Variants in VAC14 observed in about 807,000 individuals in gnomAD.
VAC14 encodes VAC14 component of PIKFYVE complex, also known as protein VAC14 homolog.
A neutral mutation model predicts 85.3 loss-of-function variants in VAC14; 47 were observed. The observed-to-expected ratio is 0.55, with a 90% CI of 0.44 to 0.70. The LOEUF (loss-of-function observed/expected upper bound fraction) is 0.70, where lower values mean the gene tolerates loss of function less well. Among genes scored for constraint, VAC14 ranks in the 30% least tolerant of loss-of-function variants. VAC14 has a pLI of 0.00. For missense variants in VAC14, 861 were observed against 1,004.3 expected (o/e 0.86, Z 1.93); for synonymous variants, 447 against 430.5 (o/e 1.04, Z -0.47).
intron 1 of VAC14, among the ~76,000 whole-genome samples, chr16:70,793,697 G>A (rs1047801330): frequency 6.6e-6 from 1 of 152,166 alleles, no homozygotes; most frequent in East Asian, 1.9e-4. Context: ...GTGTTCAGAG[G>A]GAACATCCTC....
At chr16:70,789,803 C>T (rs980843995) in intron 1 of VAC14, among the ~76,000 whole-genome samples, 5 of 152,240 alleles carry the variant, frequency 3.3e-5, no homozygotes, top group Admixed American at 6.5e-5. Flanking sequence ...GCTAAAGCAG[C>T]TGTGCCTCCC....
chr16:70,786,167 G>C (rs2034045643), intron 2 of VAC14, 48 bp downstream of exon 2: 1 of 1,596,182 alleles, frequency 6.3e-7, no homozygotes, highest in Non-Finnish European at 8.5e-7. Flanking sequence ...GGCTTGGTCA[G>C]CGTCAAGGCC....
intron 14 of VAC14, among the ~76,000 whole-genome samples, chr16:70,729,447 A>G (rs2054524338): frequency 6.6e-6 from 1 of 152,030 alleles, no homozygotes. Context: ...CCCCATCCCC[A>G]GGGTGCCCTC....
chr16:70,714,276 G>C (rs1300447346), intron 14 of VAC14: 1 of 152,246 alleles, frequency 6.6e-6, no homozygotes, highest in Admixed American at 6.5e-5. Context: ...CCCCACAGGG[G>C]TAAGATCATA....
At chr16:70,723,114 C>T (rs1419720856) in intron 14 of VAC14, among the ~76,000 whole-genome samples, 2 of 151,898 alleles carry the variant, frequency 1.3e-5, no homozygotes, top group Middle Eastern at 3.2e-3. Context: ...TCCAGCTACT[C>T]GGGAGGCTGA....
intron 4 of VAC14, among the ~76,000 whole-genome samples, chr16:70,784,426 C>T (rs1181673698): frequency 6.6e-6 from 1 of 152,102 alleles, no homozygotes; most frequent in Non-Finnish European, 1.5e-5. Flanking sequence ...AAGCAGGAAG[C>T]AAAGTCGAGA....
intron 9 of VAC14, among the ~76,000 whole-genome samples, chr16:70,776,071 T>C (rs949516960): frequency 6.6e-6 from 1 of 152,324 alleles, no homozygotes; most frequent in South Asian, 2.1e-4. Flanking sequence ...TGTTAGGTGT[T>C]TAAAATGACA....
chr16:70,701,675 T>C (rs1196358485), intron 14 of VAC14, among the ~76,000 whole-genome samples: 1 of 152,100 alleles, frequency 6.6e-6, no homozygotes, highest in Non-Finnish European at 1.5e-5. Context: ...AACAGGCCCA[T>C]CAGAACATGC....
At chr16:70,781,805 GTCC>G in intron 8 of VAC14, 61 bp downstream of exon 8, 29 of 1,588,100 alleles carry the variant, frequency 1.8e-5, no homozygotes, top group Non-Finnish European at 2.3e-5. Context: ...CCAGTGCAGG[GTCC>G]CTCAACTTCA....
intron 13 of VAC14, among the ~76,000 whole-genome samples, chr16:70,741,003 T>G (rs950135543): frequency 6.6e-6 from 1 of 152,256 alleles, no homozygotes; most frequent in Non-Finnish European, 1.5e-5. Context: ...ATCCGCACCA[T>G]GTGGTTCCCT....
chr16:70,701,580 C>T (rs1173292900), intron 14 of VAC14, among the ~76,000 whole-genome samples: 1 of 152,150 alleles, frequency 6.6e-6, no homozygotes, highest in East Asian at 1.9e-4. Context: ...CTGCCTGGTC[C>T]ATCTCCCCAT....
At position 70,687,939 on chromosome 16, in the gene VAC14, C is replaced by T. The variant is rs773466199; in HGVS notation, c.2338G>A (p.Val780Ile). 4.5e-6 allele frequency: 7 copies of T among 1,556,616 alleles called. No individual in the cohort carries two copies. The East Asian group carries it at 1.2e-4, about 27-fold the overall frequency. The change falls in exon 19 of 19, where the codon GTT becomes ATT. Residue 780 changes from valine to isoleucine, a missense_variant. Physicochemically the swap from Val to Ile is conservative, Grantham distance 29 (BLOSUM62 3). Coordinates refer to ENST00000261776, the MANE Select transcript of VAC14 (RefSeq NM_018052.5). ...SGRGDHLDRR[V>I]VL ...CCGTGCCAGGCCTGTCAGAGGACAA[C>T]CCTCCGGTCCAGGTGGTCCCCACGC...
intron 3 of VAC14, among the ~76,000 whole-genome samples, chr16:70,785,196 A>G (rs905693844): frequency 1.3e-5 from 2 of 152,228 alleles, no homozygotes; most frequent in Non-Finnish European, 2.9e-5. Flanking sequence ...AGGAGGGGAC[A>G]GGGTAGCTGC....
At chr16:70,737,186 C>T (rs1408428262) in intron 13 of VAC14, among the ~76,000 whole-genome samples, 3 of 152,218 alleles carry the variant, frequency 2.0e-5, no homozygotes, top group African/African-American at 4.8e-5. Flanking sequence ...CGCCCACCTC[C>T]GGCTCTGGCT....
At chr16:70,776,596 C>T (rs2033530241) in intron 9 of VAC14, among the ~76,000 whole-genome samples, 1 of 151,878 alleles carries the variant, frequency 6.6e-6, no homozygotes, top group African/African-American at 2.4e-5. Context: ...TTCAGTTACA[C>T]CAATTTTATT....
intron 18 of VAC14, chr16:70,688,748 T>C: frequency 1.0e-6 from 1 of 985,564 alleles, no homozygotes. Flanking sequence ...GTGTGCATGA[T>C]GCTCCCTATA....
intron 13 of VAC14, among the ~76,000 whole-genome samples, chr16:70,739,864 C>T (rs2030091664): frequency 2.0e-5 from 3 of 152,168 alleles, no homozygotes; most frequent in Admixed American, 2.0e-4. Context: ...AGGAATGAAA[C>T]CAAATAAGAA....
intron 9 of VAC14, among the ~76,000 whole-genome samples, chr16:70,773,516 G>C: frequency 6.6e-6 from 1 of 152,184 alleles, no homozygotes; most frequent in Non-Finnish European, 1.5e-5. Context: ...TCCGCCTTCA[G>C]TCCCCGTCTA....
At chr16:70,785,933 A>C in intron 2 of VAC14, 64 bp from the exon 3 acceptor site, 3 of 1,518,774 alleles carry the variant, frequency 2.0e-6, no homozygotes, top group African/African-American at 1.4e-5. Flanking sequence ...TGCAGCCTGC[A>C]GTGCCAGCTG....
Sources: allele counts gnomAD v4.1 joint callset (sites outside exome capture counted in the v4.1 genomes callset), GRCh38; gene constraint gnomAD v4.1.1; transcripts MANE v1.5; gene names NCBI Gene and HGNC (gene_info 2026-07-23, HGNC 2026-07-21).